Variants in RHOT1 observed in about 807,000 individuals in gnomAD.
The protein encoded by RHOT1 is ras homolog family member T1, also known as mitochondrial Rho GTPase 1.
Under a neutral mutation model 95.3 loss-of-function variants are expected in RHOT1, and 27 were observed. That is an observed-to-expected ratio of 0.28 (90% CI 0.21 to 0.39). The LOEUF is 0.39. RHOT1 is among the 10% of genes least tolerant of loss of function. RHOT1 has a pLI of 1.00. For synonymous variants in RHOT1, 227 were observed against 263.5 expected (o/e 0.86, Z 1.34); for missense variants, 578 against 786.7 (o/e 0.73, Z 3.17).
intron 12 of RHOT1, 34 bp from the exon 13 acceptor site, chr17:32,199,371 T>A (rs751929244): frequency 6.3e-7 from 1 of 1,584,096 alleles, no homozygotes; most frequent in Non-Finnish European, 8.6e-7. Context: ...TTATCTTAGA[T>A]ATCTAAACAT....
At chr17:32,202,623 G>A in intron 14 of RHOT1, 147 bp from the exon 15 acceptor site, 1 of 591,790 alleles carries the variant, frequency 1.7e-6, no homozygotes, top group South Asian at 2.5e-5. Flanking sequence ...CATACAGCTT[G>A]ACTGTTGTAC....
In RHOT1 at chr17:32,201,033, A is replaced by T. The variant is rs775571360; in HGVS notation, c.1178A>T (p.Glu393Val). 12 of 1,607,862 alleles carry T rather than the reference A, an allele frequency of 7.5e-6. No individual in the cohort carries two copies. In the South Asian group the frequency reaches 1.0e-4, roughly 13 times the overall value. The change falls in exon 14 of 20, where the codon GAG becomes GTG. Residue 393 changes from glutamate to valine, a missense_variant. This residue lies in a region of RHOT1 where 296 missense variants were observed against 338.5 expected (regional missense o/e 0.87). Transcript: ENST00000545287. ...GGCTATTCAATATTGACTGAGCAAG[A>T]GTCTCAAGCTTCAGCTGTTACAGGT... is the stretch of plus-strand genomic sequence containing the variant. ...YLGYSILTEQ[E>V]SQASAVTVTR...
Position 32,199,427 on chromosome 17 carries a change from C to T in RHOT1, c.977C>T (p.Pro326Leu), listed in dbSNP as rs2037148348. Residue 326 changes from proline to leucine, a missense_variant, in exon 13 of 20, where the codon CCT becomes CTT. Physicochemically the swap from Pro to Leu is moderately conservative, Grantham distance 98. This residue lies in a region of RHOT1 where 227 missense variants were observed against 316.0 expected (regional missense o/e 0.72). Transcript: ENST00000545287. Reference protein sequence around the residue: ...HDLDRDCALSPDELKDLFKVF... With the variant: ...HDLDRDCALSLDELKDLFKVF... ...CAGGATAGAGACTGTGCTTTGTCAC[C>T]TGATGAGCTTAAAGATTTATTTAAA... The T allele has an allele frequency of 6.8e-6, 11 of 1,612,812 alleles. No individual in the cohort carries two copies. Among genetic ancestry groups the T allele is most frequent in the Non-Finnish European group, 9.3e-6 (11 of 1,179,538 alleles).
chr17:32,208,229 A>G lies in RHOT1; in HGVS notation c.1659A>G (p.Pro553=). The G allele has an allele frequency of 1.9e-6, 3 of 1,614,132 alleles. No individual in the cohort carries two copies. Among genetic ancestry groups the G allele is most frequent in the Admixed American group, 1.7e-5 (1 of 60,018 alleles). Residue 553 remains proline (P), a synonymous_variant, in exon 18 of 20, where the codon CCA becomes CCG. Coordinates refer to ENST00000545287, the MANE Select transcript of RHOT1 (RefSeq NM_001033566.3). The part of the protein sequence containing the change: ...TDFCRKHKMP[P]PQAFTCNTAD... ...TCTGCAGGAAACACAAAATGCCTCC[A>G]CCACAAGCCTTCACTTGCAATACTG...
intron 6 of RHOT1, among the ~76,000 whole-genome samples, chr17:32,180,697 CAAAAAAAAAA>C (rs34530711): frequency 1.3e-5 from 1 of 77,750 alleles, no homozygotes; most frequent in African/African-American, 4.1e-5. Flanking sequence ...TGTTTTAAGC[CAAAAAAAAAA>C]AAAAAAAAAA....
At chr17:32,181,359 T>C (rs1454650449) in intron 6 of RHOT1, among the ~76,000 whole-genome samples, 1 of 152,260 alleles carries the variant, frequency 6.6e-6, no homozygotes, top group Non-Finnish European at 1.5e-5. Context: ...TCTACCCATT[T>C]TTTTCCAGCC....
chr17:32,154,755 C>T (rs570096912), intron 1 of RHOT1, among the ~76,000 whole-genome samples: 93 of 149,872 alleles, frequency 6.2e-4, no homozygotes, highest in Admixed American at 2.9e-3. Flanking sequence ...ATTAGCCGGG[C>T]ATGGTGGCAC....
chr17:32,194,136 T>G (rs1157914775), intron 11 of RHOT1, 29 bp downstream of exon 11: 2 of 1,607,048 alleles, frequency 1.2e-6, no homozygotes, highest in Admixed American at 3.4e-5. Flanking sequence ...TTTGTTGTTG[T>G]TGTTGTTTAA....
chr17:32,149,614 T>C (rs1332016129), intron 1 of RHOT1, among the ~76,000 whole-genome samples: 1 of 87,170 alleles, frequency 1.1e-5, no homozygotes, highest in African/African-American at 7.5e-5. Context: ...TATATATATA[T>C]ATATATATAT....
intron 6 of RHOT1, among the ~76,000 whole-genome samples, chr17:32,180,744 A>G (rs1208049316): frequency 6.6e-6 from 1 of 151,444 alleles, no homozygotes; most frequent in South Asian, 2.1e-4. Flanking sequence ...AGATCTATCA[A>G]TCTATCAAGC....
At position 32,167,130 on chromosome 17, in the gene RHOT1, C is replaced by T. The variant is rs151068741; in HGVS notation, c.38-3913C>T. On this transcript the variant is annotated intron_variant, in intron 1 of 19. Transcript: ENST00000545287. ...CAGGCACGAAAATAATCTCCTTGTA[C>T]GTCTCCATCTGAGCTCTTGGGTGAC... Among the ~76,000 whole-genome samples, 11 of 152,226 alleles carry T rather than the reference C, an allele frequency of 7.2e-5. No individual in the cohort carries two copies. In the East Asian group the frequency reaches 9.6e-4, roughly 13 times the overall value.
chr17:32,177,841 TGA>T, intron 6 of RHOT1, among the ~76,000 whole-genome samples: 1 of 149,748 alleles, frequency 6.7e-6, no homozygotes, highest in African/African-American at 2.4e-5. Context: ...TTTTTTTTTT[TGA>T]GATGGAGTTT....
intron 6 of RHOT1, 41 bp downstream of exon 6, chr17:32,176,254 T>G (rs1023356343): frequency 4.0e-6 from 6 of 1,484,632 alleles, no homozygotes; most frequent in Admixed American, 1.8e-5. Context: ...TTAAAAAGTT[T>G]AAAGCTTGCA....
At chr17:32,175,775 T>C (rs1333159455) in intron 4 of RHOT1, among the ~76,000 whole-genome samples, 187 bp from the exon 5 acceptor site, 2 of 152,214 alleles carry the variant, frequency 1.3e-5, no homozygotes, top group African/African-American at 2.4e-5. Context: ...TTACTGAGTA[T>C]GTGTTTTTGC....
chr17:32,182,975 A>G (rs2035758884), intron 7 of RHOT1, 110 bp downstream of exon 7: 4 of 810,854 alleles, frequency 4.9e-6, no homozygotes, highest in South Asian at 3.8e-5. Context: ...GCTATTTGTG[A>G]AGTCACGTAA....
chr17:32,147,081 G>GCC (rs202014294), intron 1 of RHOT1, among the ~76,000 whole-genome samples: 2,919 of 150,430 alleles, frequency 0.019, 35 homozygotes, highest in South Asian at 0.028. Flanking sequence ...GTCTCACCCT[G>GCC]TCACCCAGGC....
rs370611348 is a variant in RHOT1, at chr17:32,208,349, A to C, written c.1739+40A>C. ...TCTTCATTTTCATGTTGCATGGTTCATAACATTGCATGCCATTATTAGCCA... is the reference window on the plus strand; with the variant it reads ...TCTTCATTTTCATGTTGCATGGTTCCTAACATTGCATGCCATTATTAGCCA... On this transcript the variant is annotated intron_variant, in intron 18 of 19. Transcript: ENST00000545287. 2.7e-6 allele frequency: 4 copies of C among 1,505,776 alleles called. No individual in the cohort carries two copies. In the East Asian group the frequency reaches 6.8e-5, roughly 25 times the overall value. 93.3% of individuals were successfully genotyped at this position (1,505,776 alleles called of 1,614,324 possible).
At chr17:32,216,307 C>T (rs1399420800) in intron 19 of RHOT1, among the ~76,000 whole-genome samples, 1 of 152,098 alleles carries the variant, frequency 6.6e-6, no homozygotes, top group African/African-American at 2.4e-5. Flanking sequence ...AATCTCACCA[C>T]TTCTAACCTG....
chr17:32,149,046 T>G (rs2031815147), intron 1 of RHOT1, among the ~76,000 whole-genome samples: 1 of 152,212 alleles, frequency 6.6e-6, no homozygotes, highest in Non-Finnish European at 1.5e-5. Context: ...TCTGTCCTTG[T>G]GGATAATTGT....
Sources: gnomAD v4.1 joint callset for allele counts (sites outside exome capture counted in the v4.1 genomes callset) on GRCh38, gnomAD v4.1.1 for gene constraint, gnomAD v4.1.1 regional missense constraint, MANE v1.5 for transcripts, NCBI Gene and HGNC (gene_info 2026-07-23, HGNC 2026-07-21) for gene names.